OSBPL8: variants seen among roughly 807,000 people sequenced by gnomAD.
OSBPL8 encodes the protein oxysterol-binding protein-related protein 8.
Under a neutral mutation model 125.5 loss-of-function variants are expected in OSBPL8, and 59 were observed. The observed-to-expected ratio is 0.47, with a 90% confidence interval of 0.38 to 0.58. The LOEUF is 0.58. Among genes scored for constraint, OSBPL8 ranks in the 20% least tolerant of loss-of-function variants. OSBPL8 has a pLI of 0.00. For synonymous variants in OSBPL8, 330 were observed against 338.9 expected (o/e 0.97, Z 0.29); for missense variants, 758 against 1,047.8 (o/e 0.72, Z 3.82).
chr12:76,458,775 G>C (rs1428877011), intron 3 of OSBPL8, among the ~76,000 whole-genome samples: 1 of 151,736 alleles, frequency 6.6e-6, no homozygotes, highest in Admixed American at 6.6e-5. Context: ...ACTATAACCA[G>C]TTAGAGATAA....
intron 1 of OSBPL8, among the ~76,000 whole-genome samples, chr12:76,510,080 A>G (rs1880821495): frequency 6.6e-6 from 1 of 152,232 alleles, no homozygotes; most frequent in East Asian, 1.9e-4. Flanking sequence ...ATCATAATTT[A>G]GTTTCCATTT....
At chr12:76,467,471 GC>G (rs1342101405) in intron 2 of OSBPL8, among the ~76,000 whole-genome samples, 3 of 152,238 alleles carry the variant, frequency 2.0e-5, no homozygotes, top group Admixed American at 2.0e-4. Context: ...CAAAGGAAGG[GC>G]TTTACATCTT....
intron 4 of OSBPL8, among the ~76,000 whole-genome samples, chr12:76,414,619 T>TTTG (rs61191654): frequency 0.049 from 7,349 of 151,264 alleles, 635 homozygotes; most frequent in African/African-American, 0.17. Flanking sequence ...GCCTGACTTT[T>TTTG]TTGTTGTTGT....
intron 10 of OSBPL8, among the ~76,000 whole-genome samples, chr12:76,392,205 CATAGTT>C (rs1953590941): frequency 6.6e-6 from 1 of 152,144 alleles, no homozygotes; most frequent in African/African-American, 2.4e-5. Flanking sequence ...GATTATGTCT[CATAGTT>C]ATAAGGTTTC....
intron 8 of OSBPL8, among the ~76,000 whole-genome samples, chr12:76,397,349 G>A (rs919971095): frequency 6.9e-6 from 1 of 143,954 alleles, no homozygotes; most frequent in Non-Finnish European, 1.5e-5. Context: ...GGGTGGGGAG[G>A]GGGGGTGGGG....
chr12:76,422,439 A>G, intron 4 of OSBPL8: 1 of 430,734 alleles, frequency 2.3e-6, no homozygotes, highest in South Asian at 1.6e-5. Flanking sequence ...CGGCTTTAAA[A>G]TGTTAAAATG....
chr12:76,424,854 C>CTA (rs1320884343), intron 4 of OSBPL8, among the ~76,000 whole-genome samples: 3 of 151,946 alleles, frequency 2.0e-5, no homozygotes, highest in African/African-American at 4.8e-5. Context: ...AAACAAATAT[C>CTA]TATATATATC....
At chr12:76,439,949 T>C (rs932870699) in intron 4 of OSBPL8, among the ~76,000 whole-genome samples, 1 of 152,222 alleles carries the variant, frequency 6.6e-6, no homozygotes. Flanking sequence ...TTGCCTTCTA[T>C]TTAATTAACT....
In OSBPL8 at chr12:76,441,973, C is replaced by T. The variant is rs898465231; in HGVS notation, c.217+8878G>A. Among the ~76,000 whole-genome samples the T allele has an allele frequency of 8.5e-5, 13 of 152,078 alleles. 1 individual carries two copies. The highest frequency in any genetic ancestry group is 6.5e-4 in the Admixed American group (10 of 15,284). On this transcript the variant is annotated intron_variant, in intron 4 of 23. Transcript: ENST00000261183. The stretch of plus-strand genomic sequence containing the variant: ...GTCTGTAACACAAAGGATAAATGCT[C>T]GAGGAAATACATAACATATTTTCCA...
At chr12:76,381,806 C>A (rs781671984) in intron 15 of OSBPL8, among the ~76,000 whole-genome samples, 2 of 151,646 alleles carry the variant, frequency 1.3e-5, no homozygotes, top group Admixed American at 6.6e-5. Context: ...ATGATCTCAG[C>A]TCATTGCAAC....
intron 4 of OSBPL8, among the ~76,000 whole-genome samples, chr12:76,441,923 A>G (rs990865140): frequency 6.6e-6 from 1 of 152,162 alleles, no homozygotes; most frequent in Non-Finnish European, 1.5e-5. Flanking sequence ...TACATTTTAA[A>G]GTAACTAAAA....
At chr12:76,546,542 T>G (rs1375436302) in intron 1 of OSBPL8, among the ~76,000 whole-genome samples, 1 of 152,078 alleles carries the variant, frequency 6.6e-6, no homozygotes, top group Non-Finnish European at 1.5e-5. Context: ...TATAAAAAAA[T>G]TGTACATATT....
intron 5 of OSBPL8, among the ~76,000 whole-genome samples, chr12:76,409,879 T>C (rs190727695): frequency 6.6e-6 from 1 of 152,300 alleles, no homozygotes; most frequent in East Asian, 1.9e-4. Flanking sequence ...CTTACAGTCA[T>C]TGAAGTTTGA....
At chr12:76,409,452 C>T (rs1383312670) in intron 5 of OSBPL8, among the ~76,000 whole-genome samples, 2 of 152,174 alleles carry the variant, frequency 1.3e-5, no homozygotes, top group African/African-American at 4.8e-5. Flanking sequence ...ACAGATTTCC[C>T]TGTTCTTTTG....
chr12:76,536,314 A>G (rs1362447830), intron 1 of OSBPL8, among the ~76,000 whole-genome samples: 2 of 152,018 alleles, frequency 1.3e-5, no homozygotes, highest in Non-Finnish European at 2.9e-5. Flanking sequence ...TGGTGAAACT[A>G]AAAATACCAA....
intron 1 of OSBPL8, among the ~76,000 whole-genome samples, chr12:76,517,342 T>C (rs1332361326): frequency 6.6e-6 from 1 of 152,212 alleles, no homozygotes; most frequent in African/African-American, 2.4e-5. Flanking sequence ...TGAAAAACTT[T>C]TTATTACCTA....
Position 76,356,691 on chromosome 12 carries a change from T to G in OSBPL8, c.2472A>C (p.Gly824=). 1 of 1,610,198 alleles carries G rather than the reference T, an allele frequency of 6.2e-7. No individual in the cohort carries two copies. The highest frequency in any genetic ancestry group is 1.1e-5 in the South Asian group (1 of 90,478). ...SVKPSTRRKK[G]IELGDIQSSI... ...AACTCTGAATGTCTCCCAGTTCTAT[T>G]CCTTTCTTTCTTCTTGTACTTGGTT... Residue 824 remains glycine (G), a synonymous_variant, in exon 23 of 24, where the codon GGA becomes GGC. Coordinates refer to ENST00000261183, the MANE Select transcript of OSBPL8 (RefSeq NM_020841.5).
At chr12:76,377,612 GAAT>G (rs1432649518) in intron 16 of OSBPL8, among the ~76,000 whole-genome samples, 3 of 152,064 alleles carry the variant, frequency 2.0e-5, no homozygotes, top group Admixed American at 2.0e-4. Context: ...TTTTCATATT[GAAT>G]AATTTATATG....
intron 4 of OSBPL8, among the ~76,000 whole-genome samples, chr12:76,445,847 G>C (rs922331145): frequency 6.6e-5 from 10 of 151,998 alleles, no homozygotes; most frequent in African/African-American, 1.9e-4. Flanking sequence ...TGCACTCCTA[G>C]GTACTACCCC....
Sources: gnomAD v4.1 joint callset for allele counts (sites outside exome capture counted in the v4.1 genomes callset) on GRCh38, gnomAD v4.1.1 for gene constraint, MANE v1.5 for transcripts, NCBI Gene and HGNC (gene_info 2026-07-23, HGNC 2026-07-21) for gene names.